THRB: variants seen among roughly 807,000 people sequenced by gnomAD.
THRB encodes the protein nuclear receptor subfamily 1 group A member 2.
A neutral mutation model predicts 47.8 loss-of-function variants in THRB; 12 were observed. That is an observed-to-expected ratio of 0.25 (90% CI 0.16 to 0.41). The LOEUF (loss-of-function observed/expected upper bound fraction) is 0.41, where lower values mean the gene tolerates loss of function less well. Among genes scored for constraint, THRB ranks in the 10% least tolerant of loss-of-function variants. THRB has a pLI of 1.00. For synonymous variants in THRB, 218 were observed against 212.2 expected (o/e 1.03, Z -0.24); for missense variants, 348 against 589.2 (o/e 0.59, Z 4.24).
chr3:24,294,044 C>T (rs1027305093), intron 3 of THRB, among the ~76,000 whole-genome samples: 1 of 152,176 alleles, frequency 6.6e-6, no homozygotes, highest in Non-Finnish European at 1.5e-5. Context: ...TTGAGCTGAC[C>T]CTGCGGCTTG....
intron 3 of THRB, among the ~76,000 whole-genome samples, chr3:24,290,223 G>T (rs1013239539): frequency 6.6e-6 from 1 of 152,164 alleles, no homozygotes; most frequent in African/African-American, 2.4e-5. Flanking sequence ...GAGATATGAA[G>T]GGGTGGGGTT....
chr3:24,375,910 A>C (rs1001402642), intron 1 of THRB, among the ~76,000 whole-genome samples: 2 of 152,162 alleles, frequency 1.3e-5, no homozygotes, highest in Non-Finnish European at 2.9e-5. Flanking sequence ...GAAAATAAGG[A>C]GATAATTTAC....
chr3:24,189,299 C>T (rs1240860117), intron 5 of THRB, among the ~76,000 whole-genome samples: 1 of 151,862 alleles, frequency 6.6e-6, no homozygotes, highest in African/African-American at 2.4e-5. Context: ...AAAGAAAAAC[C>T]ACTAAACTGA....
At chr3:24,301,625 A>G (rs1243162272) in intron 2 of THRB, among the ~76,000 whole-genome samples, 1 of 152,182 alleles carries the variant, frequency 6.6e-6, no homozygotes, top group Admixed American at 6.5e-5. Context: ...CATTTCCCTG[A>G]CACTTGGGGT....
intron 4 of THRB, among the ~76,000 whole-genome samples, chr3:24,209,229 T>C (rs2149826875): frequency 6.6e-6 from 1 of 152,360 alleles, no homozygotes; most frequent in Non-Finnish European, 1.5e-5. Flanking sequence ...ACTTTTACAG[T>C]GTTGGTGGGA....
chr3:24,407,661 G>T (rs2067938986), intron 1 of THRB, among the ~76,000 whole-genome samples: 1 of 151,850 alleles, frequency 6.6e-6, no homozygotes, highest in Admixed American at 6.6e-5. Context: ...ATTGAGAACT[G>T]TTGCGTTGGA....
At chr3:24,157,283 T>G (rs924556652) in intron 5 of THRB, among the ~76,000 whole-genome samples, 2 of 151,820 alleles carry the variant, frequency 1.3e-5, no homozygotes, top group African/African-American at 2.4e-5. Context: ...TGGGCCCTGG[T>G]GTTGGGGGAC....
intron 4 of THRB, among the ~76,000 whole-genome samples, chr3:24,201,054 G>A (rs960351791): frequency 2.0e-5 from 3 of 152,028 alleles, no homozygotes; most frequent in Admixed American, 6.6e-5. Flanking sequence ...TGTCTTCTAC[G>A]TGCCTGTCTT....
chr3:24,206,454 G>A lies in THRB; in HGVS notation c.23-16120C>T, dbSNP rs577799785. Among the ~76,000 whole-genome samples the A allele has an allele frequency of 3.3e-5, 5 of 152,174 alleles. No homozygotes were observed. In the East Asian group the frequency reaches 7.7e-4, roughly 24 times the overall value. On this transcript the variant is annotated intron_variant, in intron 4 of 10. Coordinates refer to ENST00000646209, the MANE Select transcript of THRB (RefSeq NM_001354712.2). Reference sequence around the variant, plus strand: ...AATAAAGATGTTCTTTGAAACCAACGAGAACAAAGACACAACATACCAGAA... The same window carrying A: ...AATAAAGATGTTCTTTGAAACCAACAAGAACAAAGACACAACATACCAGAA...
chr3:24,450,151 TTTAA>T (rs2072504524), intron 1 of THRB, among the ~76,000 whole-genome samples: 1 of 152,168 alleles, frequency 6.6e-6, no homozygotes, highest in Non-Finnish European at 1.5e-5. Flanking sequence ...AAAAATCTCG[TTTAA>T]TTATTTAAGA....
intron 8 of THRB, among the ~76,000 whole-genome samples, chr3:24,135,146 C>T (rs2034455254): frequency 6.6e-6 from 1 of 152,144 alleles, no homozygotes; most frequent in African/African-American, 2.4e-5. Context: ...TAGCAGTAAC[C>T]AAGTCCAGCT....
chr3:24,449,175 C>T (rs2072399263), intron 1 of THRB, among the ~76,000 whole-genome samples: 1 of 152,136 alleles, frequency 6.6e-6, no homozygotes, highest in Admixed American at 6.5e-5. Context: ...TTCTTGAAGG[C>T]AAGCTACTTA....
At chr3:24,157,815 G>C (rs554243216) in intron 5 of THRB, among the ~76,000 whole-genome samples, 3 of 152,318 alleles carry the variant, frequency 2.0e-5, no homozygotes, top group African/African-American at 7.2e-5. Context: ...ACAGGCATGA[G>C]CCACAGTGCT....
At chr3:24,203,394 C>T (rs2044837314) in intron 4 of THRB, among the ~76,000 whole-genome samples, 1 of 152,048 alleles carries the variant, frequency 6.6e-6, no homozygotes, top group African/African-American at 2.4e-5. Context: ...CACAGTGGGA[C>T]CTTGTCTCAA....
intron 2 of THRB, among the ~76,000 whole-genome samples, chr3:24,319,443 T>C (rs1349764407): frequency 6.6e-6 from 1 of 152,244 alleles, no homozygotes; most frequent in East Asian, 1.9e-4. Context: ...ACAAATGTTA[T>C]GTTGAGCAAA....
chr3:24,408,027 G>A (rs1206317097), intron 1 of THRB, among the ~76,000 whole-genome samples: 1 of 151,802 alleles, frequency 6.6e-6, no homozygotes, highest in Non-Finnish European at 1.5e-5. Context: ...CTTTTAAAAA[G>A]TACAGCTAGA....
chr3:24,436,701 C>T (rs772955886), intron 1 of THRB, among the ~76,000 whole-genome samples: 15 of 152,118 alleles, frequency 9.9e-5, no homozygotes, highest in South Asian at 2.1e-4. Context: ...ATAGAGCACA[C>T]GTTATTCCCC....
intron 2 of THRB, among the ~76,000 whole-genome samples, chr3:24,336,591 G>A (rs115218964): frequency 0.031 from 4,670 of 152,240 alleles, 87 homozygotes; most frequent in African/African-American, 0.051. Context: ...CTGAATGGTT[G>A]CTTGATATGA....
chr3:24,212,608 G>C (rs1193157477), intron 4 of THRB, among the ~76,000 whole-genome samples: 1 of 142,422 alleles, frequency 7.0e-6, no homozygotes, highest in African/African-American at 2.6e-5. Context: ...AGAAAGAAAA[G>C]AGAATTGAGA....
Sources: allele counts gnomAD v4.1 joint callset (sites outside exome capture counted in the v4.1 genomes callset), GRCh38; gene constraint gnomAD v4.1.1; transcripts MANE v1.5; gene names NCBI Gene and HGNC (gene_info 2026-07-23, HGNC 2026-07-21).